Variants in DIP2B observed in about 807,000 individuals in gnomAD.
DIP2B encodes the protein disco-interacting protein 2 homolog B.
In DIP2B, 76 loss-of-function variants were observed where a neutral mutation model predicts 198.0. The ratio of observed to expected loss-of-function variants is 0.38; its 90% CI spans 0.32 to 0.46. DIP2B has a LOEUF of 0.46. Among genes scored for constraint, DIP2B ranks in the 20% least tolerant of loss-of-function variants. The pLI is 0.99. For missense variants in DIP2B, 1,559 were observed against 1,978.4 expected (o/e 0.79, Z 4.02); for synonymous variants, 701 against 739.1 (o/e 0.95, Z 0.84).
At chr12:50,738,489 AT>A (rs1002199257) in intron 35 of DIP2B, among the ~76,000 whole-genome samples, 2 of 150,412 alleles carry the variant, frequency 1.3e-5, no homozygotes, top group Non-Finnish European at 3.0e-5. Context: ...ACTTCGAAAA[AT>A]TTTTTTTTTC....
intron 1 of DIP2B, among the ~76,000 whole-genome samples, chr12:50,527,664 C>T (rs765198549): frequency 4.7e-4 from 71 of 152,198 alleles, no homozygotes; most frequent in Non-Finnish European, 9.0e-4. Flanking sequence ...GAACTATGAT[C>T]GTGCCACTAC....
intron 2 of DIP2B, among the ~76,000 whole-genome samples, chr12:50,631,358 C>T (rs1169329224): frequency 6.6e-6 from 1 of 152,138 alleles, no homozygotes; most frequent in Non-Finnish European, 1.5e-5. Flanking sequence ...TCCCGAGTAG[C>T]TGAGATTACA....
intron 1 of DIP2B, among the ~76,000 whole-genome samples, chr12:50,535,629 C>T (rs942798084): frequency 6.6e-6 from 1 of 151,896 alleles, no homozygotes; most frequent in Non-Finnish European, 1.5e-5. Context: ...CCTCGGTCTC[C>T]CAAAGTGCTC....
chr12:50,661,385 C>T (rs1393660095), intron 4 of DIP2B, among the ~76,000 whole-genome samples: 1 of 152,104 alleles, frequency 6.6e-6, no homozygotes, highest in East Asian at 1.9e-4. Context: ...CATACTGATC[C>T]TATTCCCTGA....
chr12:50,516,960 C>T (rs1014273463), intron 1 of DIP2B, among the ~76,000 whole-genome samples: 5 of 152,044 alleles, frequency 3.3e-5, no homozygotes, highest in Admixed American at 6.6e-5. Flanking sequence ...CGTGCCACTG[C>T]ACTCCAGCCT....
chr12:50,728,543 T>C lies in DIP2B; in HGVS notation c.3511-5T>C. On this transcript the variant is annotated splice_region_variant and splice_polypyrimidine_tract_variant and intron_variant, in intron 29 of 37. Coordinates refer to ENST00000301180, the MANE Select transcript of DIP2B (RefSeq NM_173602.3). ...CCAGCCTGTTCCATTTTCCATACTTTCCAGATGTCCCACTCTGCAGTGAAC... is the reference window on the plus strand; with the variant it reads ...CCAGCCTGTTCCATTTTCCATACTTCCCAGATGTCCCACTCTGCAGTGAAC... 6.2e-7 allele frequency: 1 copy of C among 1,613,108 alleles called. No individual in the cohort carries two copies. Among genetic ancestry groups the C allele is most frequent in the Non-Finnish European group, 8.5e-7 (1 of 1,179,382 alleles).
chr12:50,540,064 T>TG (rs1958307486), intron 1 of DIP2B, among the ~76,000 whole-genome samples: 1 of 76,038 alleles, frequency 1.3e-5, no homozygotes. Context: ...TTTTTTTTTT[T>TG]TTTTTTTTTT....
intron 32 of DIP2B, 24 bp from the exon 33 acceptor site, chr12:50,734,111 A>T: frequency 6.2e-7 from 1 of 1,613,224 alleles, no homozygotes; most frequent in Non-Finnish European, 8.5e-7. Flanking sequence ...ATTCTAAACA[A>T]CGCATTGATT....
intron 1 of DIP2B, among the ~76,000 whole-genome samples, chr12:50,585,555 A>G (rs929640062): frequency 4.6e-5 from 7 of 152,214 alleles, no homozygotes; most frequent in African/African-American, 9.7e-5. Flanking sequence ...TCAAGGAGGA[A>G]CAAGCTAGGT....
intron 4 of DIP2B, among the ~76,000 whole-genome samples, chr12:50,669,846 G>A (rs1938818989): frequency 6.6e-6 from 1 of 152,168 alleles, no homozygotes; most frequent in Middle Eastern, 3.2e-3. Flanking sequence ...CATTGGTTAT[G>A]TATTTGGCTC....
chr12:50,525,389 G>C (rs1212567992), intron 1 of DIP2B, among the ~76,000 whole-genome samples: 1 of 151,664 alleles, frequency 6.6e-6, no homozygotes, highest in Non-Finnish European at 1.5e-5. Flanking sequence ...AGAGAATACC[G>C]GTAGAGGGTT....
chr12:50,529,622 G>T (rs1958197863), intron 1 of DIP2B, among the ~76,000 whole-genome samples: 1 of 152,214 alleles, frequency 6.6e-6, no homozygotes, highest in African/African-American at 2.4e-5. Flanking sequence ...CACACCCATA[G>T]AATCTTACAT....
intron 1 of DIP2B, among the ~76,000 whole-genome samples, chr12:50,555,984 T>C (rs573154194): frequency 2.0e-5 from 3 of 152,280 alleles, no homozygotes; most frequent in Admixed American, 1.3e-4. Context: ...ATTAAATCTT[T>C]GTTGATTTAG....
intron 30 of DIP2B, among the ~76,000 whole-genome samples, chr12:50,730,434 G>T (rs1389069292): frequency 6.8e-6 from 1 of 147,150 alleles, no homozygotes; most frequent in Non-Finnish European, 1.5e-5. Flanking sequence ...ACCCAGGCTG[G>T]AGTGCAGTGG....
At chr12:50,519,016 T>A (rs1001994325) in intron 1 of DIP2B, among the ~76,000 whole-genome samples, 1 of 152,186 alleles carries the variant, frequency 6.6e-6, no homozygotes, top group Non-Finnish European at 1.5e-5. Context: ...AGTTCTGGGA[T>A]TACAGGCATG....
chr12:50,557,209 T>C (rs891225619), intron 1 of DIP2B, among the ~76,000 whole-genome samples: 3 of 152,224 alleles, frequency 2.0e-5, no homozygotes, highest in African/African-American at 7.2e-5. Context: ...TAATAAGCTC[T>C]TCCTACTTTA....
At chr12:50,613,622 G>T (rs1222310829) in intron 1 of DIP2B, among the ~76,000 whole-genome samples, 1 of 152,114 alleles carries the variant, frequency 6.6e-6, no homozygotes, top group Non-Finnish European at 1.5e-5. Flanking sequence ...TGAGGTGACT[G>T]GCCCAAGGCT....
rs1940237780 is a variant in DIP2B, at chr12:50,741,303, T to C, written c.4355-113T>C. On this transcript the variant is annotated intron_variant, in intron 36 of 37. Transcript: ENST00000301180. ...AGGAATTTGCCCAGAGTTACACAGT[T>C]GGTAGGGGCAGAGCCAGGTGACAGG... is the stretch of plus-strand genomic sequence containing the variant. 3 of 1,329,034 alleles carry C rather than the reference T, an allele frequency of 2.3e-6. No individual in the cohort carries two copies. In the South Asian group the frequency reaches 4.5e-5, roughly 20 times the overall value. 82.3% of individuals were successfully genotyped at this position (1,329,034 alleles called of 1,614,324 possible).
chr12:50,564,137 T>TGA (rs1376242740), intron 1 of DIP2B, among the ~76,000 whole-genome samples: 1 of 152,096 alleles, frequency 6.6e-6, no homozygotes, highest in African/African-American at 2.4e-5. Flanking sequence ...TGTGTGTGTG[T>TGA]GATTTGTTAA....
Sources: allele counts gnomAD v4.1 joint callset (sites outside exome capture counted in the v4.1 genomes callset), GRCh38; gene constraint gnomAD v4.1.1; transcripts MANE v1.5; gene names NCBI Gene and HGNC (gene_info 2026-07-23, HGNC 2026-07-21).